Variants in ERBB4 observed in about 807,000 individuals in gnomAD.
The protein encoded by ERBB4 is receptor tyrosine-protein kinase erbB-4.
Under a neutral mutation model 158.0 loss-of-function variants are expected in ERBB4, and 42 were observed. The observed-to-expected ratio is 0.27, with a 90% CI of 0.21 to 0.34. The LOEUF (loss-of-function observed/expected upper bound fraction) is 0.34. Ranked by LOEUF, ERBB4 falls within the 10% of genes least tolerant of loss-of-function variation. The probability of loss-of-function intolerance (pLI) is 1.00; values close to 1 mark genes in which losing one functional copy is unlikely to be tolerated. For synonymous variants in ERBB4, 583 were observed against 558.7 expected, an observed-to-expected ratio of 1.04 and a Z score of -0.61; for missense variants, 1,333 against 1,624.1, an observed-to-expected ratio of 0.82 and a Z score of 3.08.
At chr2:212,443,029 T>A (rs993286777) in intron 1 of ERBB4, among the ~76,000 whole-genome samples, 3 of 152,236 alleles carry the variant, frequency 2.0e-5, no homozygotes, top group Non-Finnish European at 4.4e-5. Flanking sequence ...GTGGTTTCAT[T>A]GCTTGAGCAA....
intron 2 of ERBB4, among the ~76,000 whole-genome samples, chr2:211,961,331 A>C (rs1314881972): frequency 6.6e-6 from 1 of 152,148 alleles, no homozygotes; most frequent in Non-Finnish European, 1.5e-5. Context: ...CAGATTTGTT[A>C]GCAGCCCTTT....
intron 1 of ERBB4, among the ~76,000 whole-genome samples, chr2:212,502,576 T>C (rs1487979916): frequency 6.6e-6 from 1 of 152,202 alleles, no homozygotes. Context: ...CCTTGTTAAA[T>C]TTCCTATAGC....
chr2:211,552,947 CAT>C (rs1014674766), intron 20 of ERBB4, among the ~76,000 whole-genome samples: 2 of 151,272 alleles, frequency 1.3e-5, no homozygotes, highest in Non-Finnish European at 2.9e-5. Flanking sequence ...GGTGGTTTCA[CAT>C]GTTTTCAATA....
At chr2:212,120,605 T>C (rs186464267) in intron 2 of ERBB4, among the ~76,000 whole-genome samples, 2 of 152,202 alleles carry the variant, frequency 1.3e-5, no homozygotes, top group Admixed American at 1.3e-4. Context: ...TCATACAAAA[T>C]AAAACAAATG....
chr2:211,907,557 C>A (rs192081970), intron 3 of ERBB4, among the ~76,000 whole-genome samples: 2 of 151,598 alleles, frequency 1.3e-5, no homozygotes, highest in Admixed American at 6.6e-5. Context: ...TTTACCATTC[C>A]TTATCTTACT....
chr2:211,495,133 T>C (rs1393776356), intron 20 of ERBB4, among the ~76,000 whole-genome samples: 1 of 152,078 alleles, frequency 6.6e-6, no homozygotes, highest in Admixed American at 6.5e-5. Flanking sequence ...AATGTCTTCA[T>C]AGAAACTACA....
intron 1 of ERBB4, among the ~76,000 whole-genome samples, chr2:212,437,075 G>C (rs1196029370): frequency 6.6e-6 from 1 of 152,004 alleles, no homozygotes; most frequent in Non-Finnish European, 1.5e-5. Context: ...TCAGGGCAAG[G>C]TAAATTATCT....
intron 3 of ERBB4, among the ~76,000 whole-genome samples, chr2:211,921,039 T>C (rs113723933): frequency 1.1e-3 from 161 of 152,148 alleles, no homozygotes; most frequent in African/African-American, 3.6e-3. Flanking sequence ...AGATGACCAA[T>C]AATTTTATCT....
intron 3 of ERBB4, among the ~76,000 whole-genome samples, chr2:211,837,976 G>A (rs765312340): frequency 3.3e-5 from 5 of 151,952 alleles, no homozygotes; most frequent in African/African-American, 9.7e-5. Flanking sequence ...TCTGTGGCCC[G>A]TGCTGAGGGT....
intron 2 of ERBB4, among the ~76,000 whole-genome samples, chr2:212,118,242 T>A (rs1049976716): frequency 6.6e-6 from 1 of 152,190 alleles, no homozygotes; most frequent in Non-Finnish European, 1.5e-5. Flanking sequence ...TGGTTGTTCA[T>A]CCTTACTGAA....
At chr2:211,742,114 C>T (rs1012449484) in intron 5 of ERBB4, among the ~76,000 whole-genome samples, 3 of 152,154 alleles carry the variant, frequency 2.0e-5, no homozygotes, top group African/African-American at 2.4e-5. Context: ...AAGATGTTGG[C>T]GTGTACAAAG....
chr2:212,211,315 G>A (rs1041253191), intron 1 of ERBB4, among the ~76,000 whole-genome samples: 6 of 152,012 alleles, frequency 3.9e-5, no homozygotes, highest in South Asian at 2.1e-4. Flanking sequence ...ACACATATGC[G>A]TGAAGACACA....
Position 212,310,609 on chromosome 2 carries a change from A to ATGTGTG in ERBB4, c.83-185712_83-185707dup, listed in dbSNP as rs56209146. ...TGTTTTGAGCTTCATATATATGTAT[A>ATGTGTG]TGTGTGTGTGTGTGTGTGTGTGTGT... On this transcript the variant is annotated intron_variant, in intron 1 of 27. Transcript: ENST00000342788. 3.2e-3 allele frequency among the ~76,000 whole-genome samples: 461 copies of ATGTGTG among 143,468 alleles called. 2 individuals carry two copies. The highest frequency in any genetic ancestry group is 9.4e-3 in the African/African-American group (364 of 38,814). 94.1% of individuals were successfully genotyped at this position (143,468 alleles called of 152,430 possible). A position where few individuals can be genotyped will look rare whatever the true frequency, so the allele number is the denominator to read the frequency against.
rs566322195 is a variant in ERBB4 at position 212,493,423 on chromosome 2, TACAA to T, written c.82+45022_82+45025del. On this transcript the variant is annotated intron_variant, in intron 1 of 27. Coordinates refer to ENST00000342788, the MANE Select transcript of ERBB4 (RefSeq NM_005235.3). ...TAAAAATACAAACATTTCCAGGACT[TACAA>T]ACATATTTATTATGATATGGTAAAT... 3.2e-3 allele frequency among the ~76,000 whole-genome samples: 486 copies of T among 151,656 alleles called. 1 individual carries two copies. The highest frequency in any genetic ancestry group is 5.4e-3 in the Non-Finnish European group (362 of 67,550).
intron 1 of ERBB4, among the ~76,000 whole-genome samples, chr2:212,240,557 C>T (rs1049828359): frequency 9.5e-5 from 13 of 136,684 alleles, no homozygotes; most frequent in Admixed American, 1.6e-4. Flanking sequence ...CGTTTGAACC[C>T]GGGAGGCGGA....
rs577960886 is a variant in ERBB4, at chr2:212,346,228, G to A, written c.82+192221C>T. 3.3e-5 allele frequency among the ~76,000 whole-genome samples: 5 copies of A among 152,054 alleles called. No homozygotes were observed. The South Asian group carries it at 1.0e-3, about 32-fold the overall frequency. ...ATCAACATTTATGTTGTCACCCTGGGCCAGCAAAACATTTAACAGATGTGC... is the reference window on the plus strand; with the variant it reads ...ATCAACATTTATGTTGTCACCCTGGACCAGCAAAACATTTAACAGATGTGC... On this transcript the variant is annotated intron_variant, in intron 1 of 27. Transcript: ENST00000342788.
intron 20 of ERBB4, among the ~76,000 whole-genome samples, chr2:211,513,901 T>C (rs1428398599): frequency 6.6e-6 from 1 of 152,036 alleles, no homozygotes; most frequent in African/African-American, 2.4e-5. Flanking sequence ...TACAAATGTA[T>C]GGGGTACATG....
At chr2:212,368,534 C>G (rs1318118496) in intron 1 of ERBB4, among the ~76,000 whole-genome samples, 1 of 151,950 alleles carries the variant, frequency 6.6e-6, no homozygotes, top group Middle Eastern at 3.2e-3. Context: ...AAAGAACTTA[C>G]TCATGTAACC....
At chr2:211,438,505 C>T (rs1425645604) in intron 20 of ERBB4, among the ~76,000 whole-genome samples, 1 of 152,126 alleles carries the variant, frequency 6.6e-6, no homozygotes, top group East Asian at 1.9e-4. Flanking sequence ...ATAGTATCTA[C>T]TCTGAGGGTT....
Sources: gnomAD v4.1 joint callset for allele counts (sites outside exome capture counted in the v4.1 genomes callset) on GRCh38, gnomAD v4.1.1 for gene constraint, MANE v1.5 for transcripts, NCBI Gene and HGNC (gene_info 2026-07-23, HGNC 2026-07-21) for gene names.